SPTSSA: variants seen among roughly 807,000 people sequenced by gnomAD.
SPTSSA encodes the protein small subunit of serine palmitoyltransferase A.
A neutral mutation model predicts 9.1 loss-of-function variants in SPTSSA; 8 were observed. That is an observed-to-expected ratio of 0.88 (90% CI 0.51 to 1.58). The LOEUF (loss-of-function observed/expected upper bound fraction) is 1.58. SPTSSA is among the 40% of genes most tolerant of loss of function. The pLI, the probability that SPTSSA is intolerant of heterozygous loss-of-function variation, is 0.00. For synonymous variants in SPTSSA, 42 were observed against 37.7 expected (o/e 1.11, Z -0.41); for missense variants, 100 against 93.8 (o/e 1.07, Z -0.27).
intron 1 of SPTSSA, among the ~76,000 whole-genome samples, chr14:34,436,756 A>C (rs1883247495): frequency 6.6e-6 from 1 of 152,176 alleles, no homozygotes; most frequent in Non-Finnish European, 1.5e-5. Context: ...GCCATACAGG[A>C]AGCTGTCTTT....
At chr14:34,455,677 A>C (rs1447791818) in intron 1 of SPTSSA, among the ~76,000 whole-genome samples, 2 of 152,166 alleles carry the variant, frequency 1.3e-5, no homozygotes, top group African/African-American at 4.8e-5. Flanking sequence ...CACACCTGTA[A>C]TCCCAGCACT....
chr14:34,451,578 C>T (rs1281629979), intron 1 of SPTSSA, among the ~76,000 whole-genome samples: 1 of 151,960 alleles, frequency 6.6e-6, no homozygotes, highest in East Asian at 1.9e-4. Context: ...AAAAAATTAG[C>T]CGGGCGCGGT....
rs61748988 is a variant in SPTSSA, at chr14:34,435,294, C to T, written c.123G>A (p.Leu41=). Residue 41 remains leucine (L), a synonymous_variant, in exon 2 of 2, where the codon CTG becomes CTA. Coordinates refer to ENST00000298130, the MANE Select transcript of SPTSSA (RefSeq NM_138288.4). ...ATAGTGCCATCCCCACAATGGAAAC[C>T]AGCATGGAATCTGAGTTGTAGTTAA... The part of the protein sequence containing the change: ...PWERTVFNSM[L]VSIVGMALYT... 3.2e-3 allele frequency: 5,186 copies of T among 1,610,630 alleles called. 157 individuals carry two copies. The African/African-American group carries it at 0.062, about 19-fold the overall frequency.
At chr14:34,435,625 T>C (rs78895697) in intron 1 of SPTSSA, among the ~76,000 whole-genome samples, 11 of 135,474 alleles carry the variant, frequency 8.1e-5, no homozygotes, top group Middle Eastern at 3.8e-3. Flanking sequence ...TTGTTTCTCT[T>C]TTTTTTTTTT....
At position 34,433,973 on chromosome 14, in the gene SPTSSA, A is replaced by C. The variant is rs1466677335; in HGVS notation, c.*1228T>G. The C allele has an allele frequency of 2.7e-5, 4 of 149,568 alleles. No homozygotes were observed. Among genetic ancestry groups the C allele is most frequent in the Non-Finnish European group, 5.9e-5 (4 of 68,002 alleles). The allele number at this position is 149,568 out of a possible 1,614,324, so 9.3% of individuals were successfully genotyped here. A position where few individuals can be genotyped will look rare whatever the true frequency, so the allele number is the denominator to read the frequency against. On this transcript the variant is annotated 3_prime_UTR_variant, in exon 2 of 2. Coordinates refer to ENST00000298130, the MANE Select transcript of SPTSSA (RefSeq NM_138288.4). The stretch of plus-strand genomic sequence containing the variant: ...GCAAGACTCCGTCTCAAAAAAAAAA[A>C]AACAAAAAAACAACCCAGCAACACA...
chr14:34,441,333 C>T (rs1348709560), intron 1 of SPTSSA, among the ~76,000 whole-genome samples: 2 of 152,162 alleles, frequency 1.3e-5, no homozygotes, highest in East Asian at 3.8e-4. Context: ...TCATCCTCTC[C>T]ATCTACATAC....
chr14:34,444,989 G>C (rs911281965), intron 1 of SPTSSA, among the ~76,000 whole-genome samples: 1 of 151,922 alleles, frequency 6.6e-6, no homozygotes, highest in Non-Finnish European at 1.5e-5. Flanking sequence ...CTACTTGGGA[G>C]GCTGAGGCAT....
intron 1 of SPTSSA, among the ~76,000 whole-genome samples, chr14:34,435,623 CTTTTTTTTTTTTTT>C (rs769896697): frequency 2.2e-5 from 2 of 92,444 alleles, no homozygotes; most frequent in African/African-American, 4.6e-5. Flanking sequence ...GTTTGTTTCT[CTTTTTTTTTTTTTT>C]TTTTTTTTGA....
In SPTSSA at chr14:34,442,729, C is replaced by T. The variant is rs554581247; in HGVS notation, c.113-7425G>A. Among the ~76,000 whole-genome samples the T allele has an allele frequency of 7.2e-5, 11 of 152,256 alleles. No homozygotes were observed. In the South Asian group the frequency reaches 8.3e-4, roughly 11 times the overall value. On this transcript the variant is annotated intron_variant, in intron 1 of 1. Transcript: ENST00000298130. Reference sequence around the variant, plus strand: ...CAGAGGGTCTGGTTAACAGGTGACACGATCCTTTGCTACTGTTTGGCCCCA... The same window carrying T: ...CAGAGGGTCTGGTTAACAGGTGACATGATCCTTTGCTACTGTTTGGCCCCA...
intron 1 of SPTSSA, among the ~76,000 whole-genome samples, chr14:34,443,872 TTC>T (rs937967180): frequency 5.3e-5 from 8 of 152,198 alleles, no homozygotes; most frequent in African/African-American, 1.4e-4. Flanking sequence ...AGTCATATTT[TTC>T]TCTCTCTCTG....
At chr14:34,453,268 T>C (rs1040714542) in intron 1 of SPTSSA, among the ~76,000 whole-genome samples, 11 of 152,232 alleles carry the variant, frequency 7.2e-5, no homozygotes, top group African/African-American at 2.7e-4. Flanking sequence ...TATCACCTTC[T>C]GCAGGAAACA....
intron 1 of SPTSSA, among the ~76,000 whole-genome samples, chr14:34,437,957 C>T (rs527480951): frequency 8.7e-4 from 132 of 152,184 alleles, no homozygotes; most frequent in Non-Finnish European, 1.5e-3. Context: ...CGCACTACCA[C>T]GCCCAGCTGA....
At chr14:34,459,722 A>G (rs1290490032) in intron 1 of SPTSSA, among the ~76,000 whole-genome samples, 2 of 152,294 alleles carry the variant, frequency 1.3e-5, no homozygotes, top group African/African-American at 2.4e-5. Context: ...CGGAGGTTGC[A>G]GTGAGCCAAG....
intron 1 of SPTSSA, among the ~76,000 whole-genome samples, chr14:34,437,955 C>G (rs1263091464): frequency 3.9e-5 from 6 of 152,086 alleles, no homozygotes; most frequent in Non-Finnish European, 5.9e-5. Context: ...CACGCACTAC[C>G]ACGCCCAGCT....
At chr14:34,444,204 A>G (rs189966318) in intron 1 of SPTSSA, among the ~76,000 whole-genome samples, 123 of 152,394 alleles carry the variant, frequency 8.1e-4, no homozygotes, top group Non-Finnish European at 1.5e-3. Context: ...TGGGAAATAA[A>G]GACAGTTTTA....
intron 1 of SPTSSA, among the ~76,000 whole-genome samples, chr14:34,438,887 G>A (rs1883279042): frequency 6.6e-6 from 1 of 152,152 alleles, no homozygotes; most frequent in Non-Finnish European, 1.5e-5. Flanking sequence ...AAATGCATTA[G>A]GTTTCCAATG....
chr14:34,457,400 C>A (rs964269928), intron 1 of SPTSSA, among the ~76,000 whole-genome samples: 22 of 152,152 alleles, frequency 1.4e-4, no homozygotes, highest in African/African-American at 5.1e-4. Context: ...CCTTGGGATG[C>A]CAGTAGGGAA....
At chr14:34,462,042 C>G in intron 1 of SPTSSA, 54 bp downstream of exon 1, 1 of 1,216,582 alleles carries the variant, frequency 8.2e-7, no homozygotes, top group Non-Finnish European at 1.0e-6. Flanking sequence ...GAAATGCGGC[C>G]CCGCGGCCCG....
intron 1 of SPTSSA, among the ~76,000 whole-genome samples, chr14:34,438,180 G>A (rs1359286350): frequency 6.6e-6 from 1 of 152,112 alleles, no homozygotes; most frequent in Admixed American, 6.5e-5. Context: ...TGATAAAATG[G>A]AATTCCCATC....
Sources: gnomAD v4.1 joint callset for allele counts (sites outside exome capture counted in the v4.1 genomes callset) on GRCh38, gnomAD v4.1.1 for gene constraint, MANE v1.5 for transcripts, NCBI Gene and HGNC (gene_info 2026-07-23, HGNC 2026-07-21) for gene names.